GARRE1: variants seen among roughly 807,000 people sequenced by gnomAD.
GARRE1 encodes granule associated Rac and RHOG effector protein 1.
A neutral mutation model predicts 103.2 loss-of-function variants in GARRE1; 49 were observed. The observed-to-expected ratio is 0.47, with a 90% CI of 0.38 to 0.60. The LOEUF (loss-of-function observed/expected upper bound fraction) is 0.60. GARRE1 is among the 20% of genes least tolerant of loss of function. The pLI is 0.00. For missense variants in GARRE1, 1,199 were observed against 1,370.5 expected (o/e 0.87, Z 1.98); for synonymous variants, 505 against 532.8 (o/e 0.95, Z 0.72).
intron 1 of GARRE1, among the ~76,000 whole-genome samples, chr19:34,276,303 A>G (rs2073816861): frequency 6.6e-6 from 1 of 152,174 alleles, no homozygotes; most frequent in South Asian, 2.1e-4. Context: ...TCGGCCTCCC[A>G]AAGTGCTGGG....
At chr19:34,334,441 G>A (rs752490016) in intron 8 of GARRE1, among the ~76,000 whole-genome samples, 11 of 152,182 alleles carry the variant, frequency 7.2e-5, no homozygotes, top group Admixed American at 1.3e-4. Context: ...ACTCACACCT[G>A]TAATCCTAGC....
chr19:34,346,590 G>A (rs898110597), intron 10 of GARRE1, among the ~76,000 whole-genome samples: 1 of 152,146 alleles, frequency 6.6e-6, no homozygotes, highest in Non-Finnish European at 1.5e-5. Flanking sequence ...GTTAGCTAAT[G>A]ACTCTAGGCT....
Position 34,273,315 on chromosome 19 carries a change from A to G in GARRE1, c.-796+18701A>G, listed in dbSNP as rs186454487. ...ATATTTGATATCTAAAGCTCCAAGT[A>G]TAATGCTTGGCACGTCATAGACACT... On this transcript the variant is annotated intron_variant, in intron 1 of 13. Coordinates refer to ENST00000299505, the MANE Select transcript of GARRE1 (RefSeq NM_014686.5). 1.1e-3 allele frequency among the ~76,000 whole-genome samples: 175 copies of G among 152,336 alleles called. 1 individual carries two copies. In the East Asian group the frequency reaches 0.024, roughly 21 times the overall value.
At position 34,327,996 on chromosome 19, in the gene GARRE1, T is replaced by C; in HGVS notation, c.949T>C (p.Cys317Arg). The change falls in exon 6 of 14, where the codon TGC becomes CGC. Residue 317 changes from cysteine to arginine, a missense_variant. Cys to Arg is a radical substitution (Grantham distance 180, BLOSUM62 -3). Transcript: ENST00000299505. Reference sequence around the variant, plus strand: ...CCATCCATGCCTTTTCCAGGGCTGCTGCAGCGAGGCGGAAGCCCAGCAGAC... The same window carrying C: ...CCATCCATGCCTTTTCCAGGGCTGCCGCAGCGAGGCGGAAGCCCAGCAGAC... ...KAIEASLQGC[C>R]SEAEAQQTGR... The C allele has an allele frequency of 1.2e-6, 2 of 1,614,136 alleles. No homozygotes were observed. Among genetic ancestry groups the C allele is most frequent in the Non-Finnish European group, 1.7e-6 (2 of 1,180,032 alleles).
intron 1 of GARRE1, among the ~76,000 whole-genome samples, chr19:34,287,949 A>AATT (rs2073896604): frequency 6.6e-6 from 1 of 152,122 alleles, no homozygotes; most frequent in South Asian, 2.1e-4. Context: ...ACACAGGTGC[A>AATT]CCCTTAGTTG....
intron 1 of GARRE1, among the ~76,000 whole-genome samples, chr19:34,296,745 G>A (rs2073949709): frequency 6.6e-6 from 1 of 152,134 alleles, no homozygotes; most frequent in South Asian, 2.1e-4. Flanking sequence ...GGCCCTGTCT[G>A]TACCTTAAGC....
At chr19:34,288,888 T>C (rs1197832287) in intron 1 of GARRE1, among the ~76,000 whole-genome samples, 1 of 152,204 alleles carries the variant, frequency 6.6e-6, no homozygotes, top group Non-Finnish European at 1.5e-5. Context: ...TCCCAGCACT[T>C]TGGGAGGCCG....
Position 34,319,991 on chromosome 19 carries a change from C to T in GARRE1, c.580C>T (p.His194Tyr). Residue 194 changes from histidine to tyrosine, a missense_variant, in exon 3 of 14, where the codon CAC becomes TAC. By Grantham distance (83) the His-to-Tyr change is moderately conservative. Transcript: ENST00000299505. The stretch of plus-strand genomic sequence containing the variant: ...GTTACAGAAGGTCCAGCCGGTGGCT[C>T]ACTCTTGCTTTGCTGAGGTCATCGT... ...HALQKVQPVA[H>Y]SCFAEVIVPE... is the part of the protein sequence containing the mutation. 2 of 1,614,248 alleles carry T rather than the reference C, an allele frequency of 1.2e-6. No individual in the cohort carries two copies. Among genetic ancestry groups the T allele is most frequent in the Non-Finnish European group, 8.5e-7 (1 of 1,180,046 alleles).
chr19:34,347,602 CTTTT>C (rs915879128), intron 10 of GARRE1, among the ~76,000 whole-genome samples: 1 of 152,130 alleles, frequency 6.6e-6, no homozygotes, highest in Non-Finnish European at 1.5e-5. Flanking sequence ...ATTTTTCTCT[CTTTT>C]TGTTTCTTTC....
At chr19:34,315,088 C>T (rs1021124906) in intron 2 of GARRE1, among the ~76,000 whole-genome samples, 9 of 152,210 alleles carry the variant, frequency 5.9e-5, no homozygotes, top group Non-Finnish European at 1.3e-4. Flanking sequence ...CCTACTTACA[C>T]TGGACTTTTA....
At chr19:34,276,793 T>C (rs905737065) in intron 1 of GARRE1, among the ~76,000 whole-genome samples, 3 of 152,246 alleles carry the variant, frequency 2.0e-5, no homozygotes, top group Admixed American at 6.5e-5. Context: ...ACTGGAACAA[T>C]GGCTCATTCA....
chr19:34,308,238 C>CTTTTTTTT (rs753284001), intron 2 of GARRE1, among the ~76,000 whole-genome samples: 3 of 99,506 alleles, frequency 3.0e-5, no homozygotes, highest in Non-Finnish European at 4.2e-5. Flanking sequence ...CATCCTGTTC[C>CTTTTTTTT]TTTTTTTTTT....
intron 1 of GARRE1, among the ~76,000 whole-genome samples, chr19:34,292,347 T>G (rs565382715): frequency 6.6e-6 from 1 of 152,368 alleles, no homozygotes; most frequent in Admixed American, 6.5e-5. Flanking sequence ...ATTATATGTC[T>G]GTACTACATT....
At chr19:34,349,182 G>A in intron 12 of GARRE1, 29 bp downstream of exon 12, 1 of 1,608,302 alleles carries the variant, frequency 6.2e-7, no homozygotes. Context: ...ACCAAGGTGG[G>A]GAGAGAAGGG....
At chr19:34,258,071 A>G (rs536067092) in intron 1 of GARRE1, among the ~76,000 whole-genome samples, 4 of 151,432 alleles carry the variant, frequency 2.6e-5, no homozygotes, top group African/African-American at 7.3e-5. Flanking sequence ...TGTATTTTTA[A>G]TAGAGATGGG....
intron 6 of GARRE1, 134 bp from the exon 7 acceptor site, chr19:34,330,055 A>G: frequency 8.7e-6 from 7 of 800,528 alleles, no homozygotes; most frequent in Non-Finnish European, 1.4e-5. Flanking sequence ...ACCGGACTGC[A>G]GCTTGGACGA....
intron 1 of GARRE1, among the ~76,000 whole-genome samples, chr19:34,256,737 A>T (rs2073675613): frequency 1.3e-5 from 2 of 152,292 alleles, no homozygotes; most frequent in South Asian, 2.1e-4. Flanking sequence ...CTACTTACAA[A>T]GTTCATATTT....
In GARRE1 at chr19:34,320,047, C is replaced by T. The variant is rs766706307; in HGVS notation, c.636C>T (p.Gly212=). ...AAAAAAAGAACAGCGGCAGTGGCGG[C>T]GGCTTATCTGGCATGGGCCACACAC... ...VPEKKNSGSG[G]GLSGMGHTPE... is the part of the protein sequence containing the mutation. Residue 212 remains glycine, a synonymous_variant, in exon 3 of 14, where the codon GGC becomes GGT. Coordinates refer to ENST00000299505, the MANE Select transcript of GARRE1 (RefSeq NM_014686.5). 1.6e-5 allele frequency: 26 copies of T among 1,614,108 alleles called. No homozygotes were observed. In the Middle Eastern group the frequency reaches 4.9e-4, roughly 31 times the overall value.
At chr19:34,261,365 G>A (rs911507714) in intron 1 of GARRE1, among the ~76,000 whole-genome samples, 3 of 152,166 alleles carry the variant, frequency 2.0e-5, no homozygotes, top group African/African-American at 7.2e-5. Flanking sequence ...GCTCTCGTTG[G>A]TATTCATAAA....
Sources: gnomAD v4.1 joint callset for allele counts (sites outside exome capture counted in the v4.1 genomes callset) on GRCh38, gnomAD v4.1.1 for gene constraint, MANE v1.5 for transcripts, NCBI Gene and HGNC (gene_info 2026-07-23, HGNC 2026-07-21) for gene names.